Variants in BMS1 observed in about 807,000 individuals in gnomAD.
The protein encoded by BMS1 is ribosome biogenesis protein BMS1 homolog.
In BMS1, 53 loss-of-function variants were observed where a neutral mutation model predicts 138.7. The ratio of observed to expected loss-of-function variants is 0.38; its 90% CI spans 0.31 to 0.48. The LOEUF (loss-of-function observed/expected upper bound fraction) is 0.48, where lower values mean the gene tolerates loss of function less well. BMS1 is among the 20% of genes least tolerant of loss of function. The pLI is 0.97. For missense variants in BMS1, 1,360 were observed against 1,565.5 expected (o/e 0.87, Z 2.22); for synonymous variants, 504 against 539.9 (o/e 0.93, Z 0.92).
At chr10:42,805,380 T>C (rs1399301058) in intron 13 of BMS1, among the ~76,000 whole-genome samples, 1 of 152,214 alleles carries the variant, frequency 6.6e-6, no homozygotes, top group East Asian at 1.9e-4. Flanking sequence ...ACTTACAGCT[T>C]TATAATTAGT....
rs374289393 is a variant in BMS1 at position 42,792,518 on chromosome 10, G to C, written c.805G>C (p.Asp269His). Residue 269 changes from aspartate to histidine, a missense_variant, in exon 7 of 23, where the codon GAT becomes CAT. Physicochemically the swap from Asp to His is moderately conservative, Grantham distance 81. Coordinates refer to ENST00000374518, the MANE Select transcript of BMS1 (RefSeq NM_014753.4). ...DRMEDLTNPE[D>H]IRTNIKCDRK... ...GATGGAAGATTTGACAAACCCAGAGGATATCCGAACAAACATCAAATGTGA... is the reference window on the plus strand; with the variant it reads ...GATGGAAGATTTGACAAACCCAGAGCATATCCGAACAAACATCAAATGTGA... 6.3e-5 allele frequency: 102 copies of C among 1,611,756 alleles called. No individual in the cohort carries two copies. The highest frequency in any genetic ancestry group is 8.4e-5 in the Non-Finnish European group (99 of 1,179,762).
chr10:42,815,319 G>T (rs1301142137), intron 13 of BMS1, among the ~76,000 whole-genome samples: 1 of 152,070 alleles, frequency 6.6e-6, no homozygotes, highest in African/African-American at 2.4e-5. Flanking sequence ...GATGAGTGTT[G>T]GTGGTGATGC....
chr10:42,793,211 C>T, intron 8 of BMS1, 67 bp downstream of exon 8: 1 of 1,465,032 alleles, frequency 6.8e-7, no homozygotes, highest in South Asian at 1.5e-5. Context: ...TTTTTAATCA[C>T]AAAAAGTAAT....
chr10:42,810,878 C>T (rs761867044), intron 13 of BMS1, among the ~76,000 whole-genome samples: 2 of 151,996 alleles, frequency 1.3e-5, no homozygotes, highest in Non-Finnish European at 2.9e-5. Context: ...TTTTTGATAA[C>T]CCCTGTTTTA....
chr10:42,791,055 G>T (rs1841490645), intron 5 of BMS1, among the ~76,000 whole-genome samples: 1 of 151,742 alleles, frequency 6.6e-6, no homozygotes, highest in Non-Finnish European at 1.5e-5. Flanking sequence ...ACAGTCTCTG[G>T]CCTGCTGAAT....
At chr10:42,801,836 T>A (rs929557513) in intron 12 of BMS1, among the ~76,000 whole-genome samples, 1 of 152,236 alleles carries the variant, frequency 6.6e-6, no homozygotes, top group African/African-American at 2.4e-5. Flanking sequence ...CTCATTGCAT[T>A]GCCTTAGAAA....
rs1842847178 is a variant in BMS1 at position 42,834,864 on chromosome 10, CTG to C, written c.*3772_*3773del. The stretch of plus-strand genomic sequence containing the variant: ...AGGGGAGGGGTGGGCTTGTTTTTTT[CTG>C]TGTTTCGGTTTTTTCCAATTTTTGT... On this transcript the variant is annotated 3_prime_UTR_variant, in exon 23 of 23. Coordinates refer to ENST00000374518, the MANE Select transcript of BMS1 (RefSeq NM_014753.4). 1 of 152,002 alleles carries C rather than the reference CTG, an allele frequency of 6.6e-6. No individual in the cohort carries two copies. Among genetic ancestry groups the C allele is most frequent in the African/African-American group, 2.4e-5 (1 of 41,378 alleles). The allele number at this position is 152,002 out of a possible 1,614,324, so 9.4% of individuals were successfully genotyped here.
chr10:42,787,338 T>C (rs1488686241), intron 4 of BMS1, 91 bp downstream of exon 4: 8 of 1,003,350 alleles, frequency 8.0e-6, no homozygotes, highest in African/African-American at 4.7e-5. Flanking sequence ...GAGAGTCTTA[T>C]AATTATTAAA....
chr10:42,797,361 A>G, intron 10 of BMS1, 61 bp from the exon 11 acceptor site: 5 of 1,595,738 alleles, frequency 3.1e-6, no homozygotes, highest in Non-Finnish European at 3.4e-6. Flanking sequence ...TTGTGGATGG[A>G]TCTCAAGGGA....
chr10:42,788,915 A>G (rs183269578), intron 4 of BMS1, among the ~76,000 whole-genome samples: 72 of 152,274 alleles, frequency 4.7e-4, no homozygotes, highest in Non-Finnish European at 2.2e-4. Flanking sequence ...CTTTTTTCAT[A>G]TAATGTATTT....
chr10:42,804,483 G>A (rs564174018), intron 13 of BMS1, among the ~76,000 whole-genome samples: 136 of 152,152 alleles, frequency 8.9e-4, no homozygotes, highest in African/African-American at 2.9e-3. Flanking sequence ...TAATGGTATC[G>A]AACATTTTTT....
chr10:42,817,209 T>G lies in BMS1; in HGVS notation c.2404-109T>G, dbSNP rs1018176490. 11 of 868,564 alleles carry G rather than the reference T, an allele frequency of 1.3e-5. No individual in the cohort carries two copies. The Admixed American group carries it at 1.7e-4, about 14-fold the overall frequency. 53.8% of individuals were successfully genotyped at this position (868,564 alleles called of 1,614,324 possible). On this transcript the variant is annotated intron_variant, in intron 14 of 22. Transcript: ENST00000374518. ...TTTTCTTTTGTTTTATTGATAATGA[T>G]AACAGATTTTTGCTAAGATTCTTGT...
chr10:42,796,268 T>G (rs1841679427), intron 9 of BMS1, among the ~76,000 whole-genome samples: 1 of 152,226 alleles, frequency 6.6e-6, no homozygotes, highest in African/African-American at 2.4e-5. Flanking sequence ...ATAAGTTCTT[T>G]TGAAGTGTGG....
Position 42,784,570 on chromosome 10 carries a change from G to A in BMS1, c.176G>A (p.Arg59Lys). 1.9e-6 allele frequency: 3 copies of A among 1,607,338 alleles called. No homozygotes were observed. Among genetic ancestry groups the A allele is most frequent in the Non-Finnish European group, 2.5e-6 (3 of 1,177,676 alleles). ...SAVRMARSFH[R>K]TQDLKTKKHH... is the part of the protein sequence containing the mutation. ...GTGCGGATGGCTCGATCCTTTCACA[G>A]GTATGTTAGGCTACGGTCTGGTCAT... is the stretch of plus-strand genomic sequence containing the variant. Residue 59 changes from arginine (R) to lysine (K), a missense_variant and splice_region_variant, in exon 2 of 23, where the codon AGG becomes AAG. Coordinates refer to ENST00000374518, the MANE Select transcript of BMS1 (RefSeq NM_014753.4).
chr10:42,805,226 C>T (rs1841979784), intron 13 of BMS1, among the ~76,000 whole-genome samples: 1 of 152,150 alleles, frequency 6.6e-6, no homozygotes, highest in Non-Finnish European at 1.5e-5. Context: ...CTTTTCCCTG[C>T]ACCATCTGCT....
In BMS1 at chr10:42,828,214, C is replaced by T. The variant is rs1453083567; in HGVS notation, c.3457-2047C>T. Among the ~76,000 whole-genome samples the T allele has an allele frequency of 3.3e-5, 5 of 152,354 alleles. No homozygotes were observed. In the East Asian group the frequency reaches 9.6e-4, roughly 29 times the overall value. On this transcript the variant is annotated intron_variant, in intron 21 of 22. Coordinates refer to ENST00000374518, the MANE Select transcript of BMS1 (RefSeq NM_014753.4). ...GCCTGGTTTTGACTTTTATAAAATA[C>T]AGCACATTCTATTTAGCCTGGCTTC...
intron 18 of BMS1, among the ~76,000 whole-genome samples, chr10:42,821,510 T>C (rs1175444111): frequency 2.0e-5 from 3 of 149,912 alleles, no homozygotes; most frequent in African/African-American, 7.3e-5. Flanking sequence ...TACATTCCTC[T>C]GAAATCACTC....
At chr10:42,786,778 A>G (rs1179817517) in intron 3 of BMS1, among the ~76,000 whole-genome samples, 1 of 152,088 alleles carries the variant, frequency 6.6e-6, no homozygotes, top group Admixed American at 6.5e-5. Flanking sequence ...AATTATTGTT[A>G]TGAATATTCT....
intron 9 of BMS1, among the ~76,000 whole-genome samples, chr10:42,794,694 A>G (rs981153484): frequency 4.0e-5 from 6 of 151,886 alleles, no homozygotes; most frequent in African/African-American, 1.5e-4. Context: ...ATCTTTGTCT[A>G]CAAGAATACT....
Sources: allele counts gnomAD v4.1 joint callset (sites outside exome capture counted in the v4.1 genomes callset), GRCh38; gene constraint gnomAD v4.1.1; transcripts MANE v1.5; gene names NCBI Gene and HGNC (gene_info 2026-07-23, HGNC 2026-07-21).